DENND5B: variants seen among roughly 807,000 people sequenced by gnomAD.
DENND5B encodes the protein DENN domain-containing protein 5B.
In DENND5B, 34 loss-of-function variants were observed where a neutral mutation model predicts 140.6. The ratio of observed to expected loss-of-function variants is 0.24; its 90% CI spans 0.18 to 0.32. The LOEUF is 0.32. Ranked by LOEUF, DENND5B falls within the 10% of genes least tolerant of loss-of-function variation. The pLI is 1.00. For missense variants in DENND5B, 1,142 were observed against 1,560.2 expected (o/e 0.73, Z 4.52); for synonymous variants, 551 against 562.1 (o/e 0.98, Z 0.28).
intron 4 of DENND5B, among the ~76,000 whole-genome samples, chr12:31,455,365 T>A (rs948225613): frequency 5.3e-5 from 8 of 152,184 alleles, no homozygotes; most frequent in Non-Finnish European, 1.5e-5. Flanking sequence ...TCCAACACCA[T>A]AGCTACTGGT....
At chr12:31,468,442 A>G (rs1407141417) in intron 3 of DENND5B, among the ~76,000 whole-genome samples, 1 of 152,144 alleles carries the variant, frequency 6.6e-6, no homozygotes, top group Admixed American at 6.6e-5. Flanking sequence ...ATAAAAACAA[A>G]ACCATAAATT....
chr12:31,477,932 G>A (rs2138516619), intron 3 of DENND5B: 3 of 226,506 alleles, frequency 1.3e-5, no homozygotes, highest in South Asian at 1.7e-4. Context: ...AAGAGCACTG[G>A]GGAATTAGTG....
intron 1 of DENND5B, among the ~76,000 whole-genome samples, chr12:31,505,373 G>A (rs1174559993): frequency 6.6e-6 from 1 of 151,728 alleles, no homozygotes; most frequent in African/African-American, 2.4e-5. Flanking sequence ...CAAGTAGCTG[G>A]GACTACAGGT....
chr12:31,493,280 A>C (rs1946604578), intron 2 of DENND5B, among the ~76,000 whole-genome samples: 1 of 152,266 alleles, frequency 6.6e-6, no homozygotes, highest in Non-Finnish European at 1.5e-5. Context: ...CACTGGGTAC[A>C]TGTAAACATG....
intron 8 of DENND5B, among the ~76,000 whole-genome samples, chr12:31,427,191 G>T (rs1400784578): frequency 2.0e-5 from 3 of 152,136 alleles, no homozygotes; most frequent in Middle Eastern, 3.4e-3. Flanking sequence ...TAACTCTAAG[G>T]TATCACAGAA....
chr12:31,407,266 G>T (rs1942178606), intron 14 of DENND5B, among the ~76,000 whole-genome samples: 1 of 151,906 alleles, frequency 6.6e-6, no homozygotes, highest in South Asian at 2.1e-4. Flanking sequence ...GAGTAGCTGG[G>T]ATTACAGGCG....
In DENND5B at chr12:31,528,318, T is replaced by G. The variant is rs141027392; in HGVS notation, c.128-32399A>C. Among the ~76,000 whole-genome samples the G allele has an allele frequency of 1.0e-3, 153 of 152,276 alleles. 5 individuals carry two copies. The East Asian group carries it at 0.019, about 19-fold the overall frequency. The stretch of plus-strand genomic sequence containing the variant: ...AAACTCTGCCTGTCTTCACATCACT[T>G]CCTCCTGCGTGTGTCAAACTTCCCT... On this transcript the variant is annotated intron_variant, in intron 1 of 20. Transcript: ENST00000389082.
intron 3 of DENND5B, among the ~76,000 whole-genome samples, chr12:31,469,351 A>T (rs2138386321): frequency 6.9e-6 from 1 of 145,720 alleles, no homozygotes; most frequent in African/African-American, 2.5e-5. Context: ...AAAAAAAAGA[A>T]GAAGAAGAAG....
At chr12:31,443,795 G>C (rs1005205744) in intron 6 of DENND5B, 1 of 152,118 alleles carries the variant, frequency 6.6e-6, no homozygotes, top group African/African-American at 2.4e-5. Context: ...TCATTAGTAG[G>C]AGTCATTTTG....
intron 8 of DENND5B, 53 bp from the exon 9 acceptor site, chr12:31,426,477 C>T (rs1943241304): frequency 6.4e-7 from 1 of 1,553,834 alleles, no homozygotes; most frequent in Admixed American, 2.0e-5. Flanking sequence ...TTCTTCTAAT[C>T]TTCTTAACCT....
intron 7 of DENND5B, among the ~76,000 whole-genome samples, chr12:31,442,311 C>T (rs1944071271): frequency 6.6e-6 from 1 of 152,140 alleles, no homozygotes; most frequent in South Asian, 2.1e-4. Flanking sequence ...CTAGAAGCCT[C>T]GAAGGGAGCG....
At chr12:31,512,792 T>G (rs1368986347) in intron 1 of DENND5B, among the ~76,000 whole-genome samples, 2 of 152,318 alleles carry the variant, frequency 1.3e-5, no homozygotes, top group African/African-American at 4.8e-5. Flanking sequence ...TTAGAATGGT[T>G]TTAGATTTAC....
intron 10 of DENND5B, 82 bp downstream of exon 10, chr12:31,424,453 T>A (rs1243295687): frequency 1.2e-5 from 17 of 1,428,898 alleles, no homozygotes; most frequent in South Asian, 5.1e-5. Flanking sequence ...TATTTTTTTT[T>A]AATGACATAT....
chr12:31,567,642 A>G (rs1592065152), intron 1 of DENND5B, among the ~76,000 whole-genome samples: 1 of 151,308 alleles, frequency 6.6e-6, no homozygotes, highest in Non-Finnish European at 1.5e-5. Context: ...TACAGTTTTG[A>G]GCAAGCCACT....
At chr12:31,519,418 G>A (rs1231331516) in intron 1 of DENND5B, among the ~76,000 whole-genome samples, 1 of 152,092 alleles carries the variant, frequency 6.6e-6, no homozygotes, top group East Asian at 1.9e-4. Flanking sequence ...CTTTGTTAAT[G>A]GATAAATTCC....
intron 2 of DENND5B, among the ~76,000 whole-genome samples, chr12:31,482,739 C>G (rs1946115968): frequency 6.6e-6 from 1 of 152,112 alleles, no homozygotes; most frequent in Non-Finnish European, 1.5e-5. Context: ...TTTACGCTTA[C>G]CACTCTAATC....
chr12:31,434,982 G>A (rs1389459672), intron 7 of DENND5B, among the ~76,000 whole-genome samples: 1 of 152,082 alleles, frequency 6.6e-6, no homozygotes, highest in Non-Finnish European at 1.5e-5. Context: ...GACCCCTGGT[G>A]CTTTCTCGTC....
At chr12:31,450,004 T>A (rs921461877) in intron 5 of DENND5B, among the ~76,000 whole-genome samples, 1 of 152,206 alleles carries the variant, frequency 6.6e-6, no homozygotes, top group Non-Finnish European at 1.5e-5. Context: ...GTGTTGGGAT[T>A]ACAGGCGTGA....
chr12:31,408,688 G>A (rs1942274336), intron 14 of DENND5B, among the ~76,000 whole-genome samples: 1 of 147,622 alleles, frequency 6.8e-6, no homozygotes, highest in East Asian at 2.0e-4. Context: ...GTTGAATGAT[G>A]TCCAATTGCA....
Sources: gnomAD v4.1 joint callset for allele counts (sites outside exome capture counted in the v4.1 genomes callset) on GRCh38, gnomAD v4.1.1 for gene constraint, MANE v1.5 for transcripts, NCBI Gene and HGNC (gene_info 2026-07-23, HGNC 2026-07-21) for gene names.